CNTN4: variants seen among roughly 807,000 people sequenced by gnomAD.
CNTN4 encodes contactin 4.
In CNTN4, 77 loss-of-function variants were observed where a neutral mutation model predicts 122.5. That is an observed-to-expected ratio of 0.63 (90% confidence interval 0.52 to 0.76). The LOEUF is 0.76. CNTN4 is among the 30% of genes least tolerant of loss of function. The pLI is 0.00. For missense variants in CNTN4, 1,256 were observed against 1,259.1 expected, an observed-to-expected ratio of 1.00 and a Z score of 0.04; for synonymous variants, 512 against 447.0, an observed-to-expected ratio of 1.15 and a Z score of -1.83.
chr3:2,564,131 A>T (rs7627849), intron 3 of CNTN4, among the ~76,000 whole-genome samples: 1 of 152,024 alleles, frequency 6.6e-6, no homozygotes, highest in Admixed American at 6.6e-5. Context: ...TAGTATAAGC[A>T]TGTTATTTTT....
At chr3:2,684,007 C>G (rs2085303296) in intron 4 of CNTN4, among the ~76,000 whole-genome samples, 1 of 152,154 alleles carries the variant, frequency 6.6e-6, no homozygotes, top group Non-Finnish European at 1.5e-5. Flanking sequence ...TTTAAAGAAT[C>G]AACCTTACAG....
At chr3:2,437,301 A>G (rs2048290268) in intron 3 of CNTN4, among the ~76,000 whole-genome samples, 1 of 152,156 alleles carries the variant, frequency 6.6e-6, no homozygotes, top group South Asian at 2.1e-4. Context: ...AAGTTTTTAT[A>G]AAGAAACCTA....
At chr3:2,433,424 G>T (rs1340673416) in intron 3 of CNTN4, among the ~76,000 whole-genome samples, 1 of 152,148 alleles carries the variant, frequency 6.6e-6, no homozygotes, top group Non-Finnish European at 1.5e-5. Flanking sequence ...TTGGCCATTT[G>T]TATGTCTACT....
At chr3:2,945,708 T>C (rs1006491437) in intron 13 of CNTN4, among the ~76,000 whole-genome samples, 36 of 152,348 alleles carry the variant, frequency 2.4e-4, no homozygotes, top group African/African-American at 8.2e-4. Flanking sequence ...CTAGTTCCTA[T>C]GACTTTTTAT....
chr3:2,702,743 G>A (rs760336467), intron 4 of CNTN4, among the ~76,000 whole-genome samples: 1 of 152,212 alleles, frequency 6.6e-6, no homozygotes, highest in South Asian at 2.1e-4. Context: ...GCATATTCAC[G>A]CAATCGTTCA....
chr3:2,804,638 G>T (rs1377582122), intron 6 of CNTN4, among the ~76,000 whole-genome samples: 5 of 152,158 alleles, frequency 3.3e-5, no homozygotes, highest in African/African-American at 1.2e-4. Flanking sequence ...CAAGGAAGGT[G>T]TGAGCATTGC....
chr3:2,261,008 G>A (rs192173657), intron 2 of CNTN4, among the ~76,000 whole-genome samples: 1 of 152,226 alleles, frequency 6.6e-6, no homozygotes, highest in Admixed American at 6.5e-5. Flanking sequence ...TGTGATTACA[G>A]GTGTGAGACA....
chr3:2,404,007 A>G (rs965210847), intron 3 of CNTN4, among the ~76,000 whole-genome samples: 1 of 152,160 alleles, frequency 6.6e-6, no homozygotes, highest in Non-Finnish European at 1.5e-5. Flanking sequence ...ATTTCTTCAC[A>G]TCAGACATTT....
At chr3:2,204,967 G>A (rs1008084786) in intron 2 of CNTN4, among the ~76,000 whole-genome samples, 1 of 152,034 alleles carries the variant, frequency 6.6e-6, no homozygotes, top group African/African-American at 2.4e-5. Flanking sequence ...TAATTTATAT[G>A]TAAGTATTTA....
At chr3:2,287,242 G>A (rs1011925235) in intron 2 of CNTN4, among the ~76,000 whole-genome samples, 4 of 152,082 alleles carry the variant, frequency 2.6e-5, no homozygotes, top group Non-Finnish European at 4.4e-5. Flanking sequence ...CATACAATGC[G>A]TGAAAAATAT....
At chr3:2,283,989 A>G (rs780653923) in intron 2 of CNTN4, among the ~76,000 whole-genome samples, 1 of 152,026 alleles carries the variant, frequency 6.6e-6, no homozygotes, top group Non-Finnish European at 1.5e-5. Context: ...TTACTTATCT[A>G]GTTCATCTCT....
intron 4 of CNTN4, among the ~76,000 whole-genome samples, chr3:2,607,007 C>A (rs139709264): frequency 6.6e-6 from 1 of 152,174 alleles, no homozygotes; most frequent in East Asian, 1.9e-4. Context: ...TTGTGCTTCG[C>A]TTCCACAGTC....
chr3:2,621,732 T>C (rs2081998369), intron 4 of CNTN4, among the ~76,000 whole-genome samples: 1 of 152,180 alleles, frequency 6.6e-6, no homozygotes, highest in South Asian at 2.1e-4. Flanking sequence ...ACAATGTATA[T>C]GCATTTAACT....
At chr3:3,044,120 T>C (rs1043846806) in intron 23 of CNTN4, among the ~76,000 whole-genome samples, 7 of 152,186 alleles carry the variant, frequency 4.6e-5, no homozygotes, top group African/African-American at 1.4e-4. Flanking sequence ...TCAAGAGTTA[T>C]ATAAAGAAAA....
chr3:2,217,925 T>C (rs1474263780), intron 2 of CNTN4, among the ~76,000 whole-genome samples: 4 of 152,184 alleles, frequency 2.6e-5, no homozygotes, highest in Non-Finnish European at 5.9e-5. Context: ...AACGTAGATC[T>C]ACCACTTAGG....
At chr3:2,916,837 C>G (rs540122890) in intron 12 of CNTN4, among the ~76,000 whole-genome samples, 1 of 150,946 alleles carries the variant, frequency 6.6e-6, no homozygotes, top group Non-Finnish European at 1.5e-5. Context: ...CTCCTCAGTT[C>G]CCAGACGGGG....
chr3:2,200,316 A>G (rs2149385221), intron 2 of CNTN4, among the ~76,000 whole-genome samples: 1 of 152,332 alleles, frequency 6.6e-6, no homozygotes, highest in African/African-American at 2.4e-5. Context: ...AAACTTTGGT[A>G]AGTCACTTAA....
At chr3:2,679,116 C>T (rs2085029716) in intron 4 of CNTN4, among the ~76,000 whole-genome samples, 1 of 152,132 alleles carries the variant, frequency 6.6e-6, no homozygotes, top group Non-Finnish European at 1.5e-5. Flanking sequence ...TCTTAATCAG[C>T]CGTTTTCCAT....
At chr3:2,219,095 C>G (rs2038963473) in intron 2 of CNTN4, among the ~76,000 whole-genome samples, 1 of 152,140 alleles carries the variant, frequency 6.6e-6, no homozygotes, top group African/African-American at 2.4e-5. Flanking sequence ...CAGATTTTAT[C>G]TTCCATAAAT....
Sources: allele counts gnomAD v4.1 joint callset (sites outside exome capture counted in the v4.1 genomes callset), GRCh38; gene constraint gnomAD v4.1.1; transcripts MANE v1.5; gene names NCBI Gene and HGNC (gene_info 2026-07-23, HGNC 2026-07-21).